KCNH8: variants seen among roughly 807,000 people sequenced by gnomAD.
KCNH8 encodes voltage-gated delayed rectifier potassium channel KCNH8.
A neutral mutation model predicts 103.6 loss-of-function variants in KCNH8; 70 were observed. That is an observed-to-expected ratio of 0.68 (90% CI 0.56 to 0.82). The LOEUF (loss-of-function observed/expected upper bound fraction) is 0.82, where lower values mean the gene tolerates loss of function less well. Among genes scored for constraint, KCNH8 ranks in the 40% least tolerant of loss-of-function variants. The probability of loss-of-function intolerance (pLI) is 0.00; values close to 1 mark genes in which losing one functional copy is unlikely to be tolerated. For missense variants in KCNH8, 1,217 were observed against 1,329.9 expected, an observed-to-expected ratio of 0.92 and a Z score of 1.32; for synonymous variants, 498 against 489.4, an observed-to-expected ratio of 1.02 and a Z score of -0.23.
chr3:19,470,894 C>T (rs1024836546), intron 11 of KCNH8, among the ~76,000 whole-genome samples: 2 of 152,080 alleles, frequency 1.3e-5, no homozygotes, highest in Non-Finnish European at 2.9e-5. Context: ...ACATAAAAAG[C>T]TTTAAAATAT....
intron 3 of KCNH8, among the ~76,000 whole-genome samples, 155 bp downstream of exon 3, chr3:19,281,484 C>G (rs2064756443): frequency 6.6e-6 from 1 of 152,038 alleles, no homozygotes; most frequent in Admixed American, 6.6e-5. Flanking sequence ...TTCCAAATCA[C>G]AGACTCACAT....
chr3:19,310,100 T>G (rs1438835787), intron 3 of KCNH8, among the ~76,000 whole-genome samples: 1 of 152,000 alleles, frequency 6.6e-6, no homozygotes, highest in Non-Finnish European at 1.5e-5. Flanking sequence ...GCATTGTACC[T>G]GAATATAGTA....
At chr3:19,412,420 A>C (rs1269208117) in intron 7 of KCNH8, among the ~76,000 whole-genome samples, 1 of 152,060 alleles carries the variant, frequency 6.6e-6, no homozygotes, top group Non-Finnish European at 1.5e-5. Flanking sequence ...TAAATGTAAG[A>C]CCTCAAACTA....
chr3:19,271,146 G>T (rs2064582190), intron 2 of KCNH8, among the ~76,000 whole-genome samples: 1 of 152,000 alleles, frequency 6.6e-6, no homozygotes, highest in South Asian at 2.1e-4. Context: ...TTTAACATGT[G>T]TTGAAATGCA....
intron 3 of KCNH8, among the ~76,000 whole-genome samples, chr3:19,330,586 T>A (rs1276745342): frequency 1.3e-5 from 2 of 152,204 alleles, no homozygotes; most frequent in Non-Finnish European, 2.9e-5. Flanking sequence ...ATTGTGCCAT[T>A]TGGGGGCATT....
chr3:19,346,740 A>G (rs1205569095), intron 4 of KCNH8: 1 of 455,002 alleles, frequency 2.2e-6, no homozygotes, highest in Non-Finnish European at 4.4e-6. Context: ...TACAAGTAAT[A>G]TGTATTCGGG....
At chr3:19,193,466 A>C (rs1487194921) in intron 1 of KCNH8, among the ~76,000 whole-genome samples, 1 of 151,608 alleles carries the variant, frequency 6.6e-6, no homozygotes, top group Non-Finnish European at 1.5e-5. Flanking sequence ...TGTGCCTGGC[A>C]CTGTGTTAGA....
chr3:19,153,933 A>T (rs999714590), intron 1 of KCNH8, among the ~76,000 whole-genome samples: 28 of 152,082 alleles, frequency 1.8e-4, no homozygotes, highest in Non-Finnish European at 2.8e-4. Flanking sequence ...CACCTGGCCC[A>T]ATCATTTTTC....
At chr3:19,343,866 G>A (rs2125317728) in intron 4 of KCNH8, among the ~76,000 whole-genome samples, 1 of 152,126 alleles carries the variant, frequency 6.6e-6, no homozygotes, top group East Asian at 1.9e-4. Context: ...CTGCAAACCT[G>A]GCTGTACTTC....
intron 1 of KCNH8, among the ~76,000 whole-genome samples, chr3:19,218,017 AC>A (rs2125229348): frequency 6.6e-6 from 1 of 152,272 alleles, no homozygotes; most frequent in Non-Finnish European, 1.5e-5. Context: ...GATTTGACTG[AC>A]TTAAACTGTT....
chr3:19,484,770 A>C (rs1161750954), intron 11 of KCNH8, among the ~76,000 whole-genome samples: 2 of 152,154 alleles, frequency 1.3e-5, no homozygotes, highest in African/African-American at 4.8e-5. Flanking sequence ...GAATAAGCTG[A>C]TGGGACACCT....
In KCNH8 at chr3:19,518,065, C is replaced by T. The variant is rs2068906033; in HGVS notation, c.2610C>T (p.Leu870=). The stretch of plus-strand genomic sequence containing the variant: ...AGACCAAGCAGCAGATAAACAAACT[C>T]AACAGTGAGGTATGGAGCTCTTTCT... ...AEETKQQINK[L]NSEVTTLTQE... Residue 870 remains leucine (L), a synonymous_variant, in exon 15 of 16, where the codon CTC becomes CTT. Coordinates refer to ENST00000328405, the MANE Select transcript of KCNH8 (RefSeq NM_144633.3). 1.2e-6 allele frequency: 2 copies of T among 1,611,368 alleles called. No homozygotes were observed. Among genetic ancestry groups the T allele is most frequent in the Non-Finnish European group, 1.7e-6 (2 of 1,178,192 alleles).
chr3:19,288,239 T>A (rs1559460458), intron 3 of KCNH8, among the ~76,000 whole-genome samples: 1 of 149,876 alleles, frequency 6.7e-6, no homozygotes, highest in Non-Finnish European at 1.5e-5. Context: ...ATTTATTTTT[T>A]TAATTATACT....
Position 19,533,748 on chromosome 3 carries a change from T to A in KCNH8, c.2973T>A (p.Leu991=). The change falls in exon 16 of 16, where the codon CTT becomes CTA. Residue 991 remains leucine (L), a synonymous_variant. Coordinates refer to ENST00000328405, the MANE Select transcript of KCNH8 (RefSeq NM_144633.3). ...GTGAACTTTATCATTCTCCAAGCCT[T>A]GATTATTCACCTTCCCACTACCAGG... is the stretch of plus-strand genomic sequence containing the variant. ...ADSELYHSPS[L]DYSPSHYQVV... is the part of the protein sequence containing the mutation. 6.2e-7 allele frequency: 1 copy of A among 1,614,176 alleles called. No homozygotes were observed. The highest frequency in any genetic ancestry group is 8.5e-7 in the Non-Finnish European group (1 of 1,180,014).
chr3:19,529,211 A>G (rs2069118746), intron 15 of KCNH8, among the ~76,000 whole-genome samples: 1 of 152,220 alleles, frequency 6.6e-6, no homozygotes, highest in Non-Finnish European at 1.5e-5. Flanking sequence ...TATGAGTGTC[A>G]GAAACATTTA....
At chr3:19,361,941 G>C (rs2065952010) in intron 5 of KCNH8, among the ~76,000 whole-genome samples, 1 of 152,080 alleles carries the variant, frequency 6.6e-6, no homozygotes, top group Non-Finnish European at 1.5e-5. Flanking sequence ...GTTGATACAA[G>C]ATCTGGTTAA....
At chr3:19,410,658 A>G (rs2066762106) in intron 7 of KCNH8, among the ~76,000 whole-genome samples, 1 of 152,070 alleles carries the variant, frequency 6.6e-6, no homozygotes, top group South Asian at 2.1e-4. Flanking sequence ...TATCAAAGAA[A>G]AAAAGAGAGA....
chr3:19,243,774 C>T (rs572962076), intron 1 of KCNH8, among the ~76,000 whole-genome samples: 1 of 152,034 alleles, frequency 6.6e-6, no homozygotes, highest in Non-Finnish European at 1.5e-5. Context: ...TTCATGTATG[C>T]TTGAAGTAAA....
chr3:19,523,085 T>C (rs1212983380), intron 15 of KCNH8, among the ~76,000 whole-genome samples: 2 of 151,842 alleles, frequency 1.3e-5, no homozygotes, highest in Non-Finnish European at 2.9e-5. Flanking sequence ...TTGTTAACTT[T>C]AAGTGATATG....
Sources: gnomAD v4.1 joint callset for allele counts (sites outside exome capture counted in the v4.1 genomes callset) on GRCh38, gnomAD v4.1.1 for gene constraint, MANE v1.5 for transcripts, NCBI Gene and HGNC (gene_info 2026-07-23, HGNC 2026-07-21) for gene names.